BORCS5: variants seen among roughly 807,000 people sequenced by gnomAD.
The protein encoded by BORCS5 is BLOC-1 related complex subunit 5.
A neutral mutation model predicts 22.1 loss-of-function variants in BORCS5; 17 were observed. The ratio of observed to expected loss-of-function variants is 0.77; its 90% confidence interval spans 0.53 to 1.15. The LOEUF (loss-of-function observed/expected upper bound fraction) is 1.15, where lower values mean the gene tolerates loss of function less well. Ranked by LOEUF, BORCS5 falls within the 50% of genes most tolerant of loss-of-function variation. BORCS5 has a pLI of 0.00. For missense variants in BORCS5, 247 were observed against 253.2 expected (o/e 0.98, Z 0.17); for synonymous variants, 117 against 99.8 (o/e 1.17, Z -1.03).
At chr12:12,392,045 C>CAAAAAA (rs61408318) in intron 2 of BORCS5, among the ~76,000 whole-genome samples, 2 of 66,860 alleles carry the variant, frequency 3.0e-5, no homozygotes, top group Non-Finnish European at 5.6e-5. Flanking sequence ...GACTTCATTT[C>CAAAAAA]AAAAAAAAAA....
rs774431922 is a variant in BORCS5, at chr12:12,465,928, A to T, written c.*152A>T. ...GGAGTCCGGCTGGCATGAAAATCTG[A>T]CTTTGCCCAGCTCTTTTCCTTGATG... On this transcript the variant is annotated 3_prime_UTR_variant, in exon 4 of 4. Transcript: ENST00000314565. The T allele has an allele frequency of 3.7e-5, 23 of 625,788 alleles. No homozygotes were observed. Among genetic ancestry groups the T allele is most frequent in the Non-Finnish European group, 5.2e-5 (19 of 363,302 alleles). 38.8% of individuals were successfully genotyped at this position (625,788 alleles called of 1,614,324 possible). A position where few individuals can be genotyped will look rare whatever the true frequency, so the allele number is the denominator to read the frequency against.
chr12:12,456,172 G>A (rs1942995335), intron 3 of BORCS5, among the ~76,000 whole-genome samples: 1 of 152,192 alleles, frequency 6.6e-6, no homozygotes, highest in Non-Finnish European at 1.5e-5. Flanking sequence ...GGTAGATCAT[G>A]CCTGTAATCC....
chr12:12,394,035 A>G lies in BORCS5; in HGVS notation c.202+32686A>G, dbSNP rs112375077. On this transcript the variant is annotated intron_variant, in intron 2 of 3. Transcript: ENST00000314565. Reference sequence around the variant, plus strand: ...CAGCTTGGAAACCAAAATAAAATCAATAGCCCTCGGCCGGGTGCGGTGGCT... The same window carrying G: ...CAGCTTGGAAACCAAAATAAAATCAGTAGCCCTCGGCCGGGTGCGGTGGCT... Among the ~76,000 whole-genome samples, 537 of 152,086 alleles carry G rather than the reference A, an allele frequency of 3.5e-3. 5 individuals carry two copies. Among genetic ancestry groups the G allele is most frequent in the African/African-American group, 0.011 (473 of 41,426 alleles).
chr12:12,459,451 T>C (rs1012338073), intron 3 of BORCS5, among the ~76,000 whole-genome samples: 3 of 151,910 alleles, frequency 2.0e-5, no homozygotes, highest in Non-Finnish European at 4.4e-5. Context: ...GCTGGGACTA[T>C]AGGCATGCAC....
chr12:12,396,225 G>A (rs1941339536), intron 2 of BORCS5, among the ~76,000 whole-genome samples: 1 of 151,292 alleles, frequency 6.6e-6, no homozygotes, highest in Non-Finnish European at 1.5e-5. Flanking sequence ...GACCTCAAGT[G>A]ATCTGCCCGC....
At chr12:12,405,202 C>T (rs977366716) in intron 2 of BORCS5, among the ~76,000 whole-genome samples, 2 of 152,190 alleles carry the variant, frequency 1.3e-5, no homozygotes, top group African/African-American at 4.8e-5. Flanking sequence ...CATAAATGAG[C>T]TGTGTTGCTA....
At chr12:12,373,994 T>A (rs1279389766) in intron 2 of BORCS5, among the ~76,000 whole-genome samples, 1 of 143,964 alleles carries the variant, frequency 6.9e-6, no homozygotes, top group Non-Finnish European at 1.5e-5. Flanking sequence ...TTTTTTTTTT[T>A]TTTTTTTTTT....
intron 2 of BORCS5, among the ~76,000 whole-genome samples, chr12:12,371,641 C>G (rs1565835469): frequency 2.0e-5 from 3 of 152,176 alleles, no homozygotes; most frequent in Admixed American, 1.3e-4. Flanking sequence ...AATATGTTCT[C>G]TATGTTCTTT....
chr12:12,414,949 T>G (rs1592103467), intron 2 of BORCS5, among the ~76,000 whole-genome samples: 2 of 109,752 alleles, frequency 1.8e-5, no homozygotes, highest in Admixed American at 9.1e-5. Context: ...TCTCAGACGA[T>G]GGGCGGCCGG....
intron 3 of BORCS5, among the ~76,000 whole-genome samples, chr12:12,449,619 AT>A (rs1942866641): frequency 6.6e-6 from 1 of 152,236 alleles, no homozygotes; most frequent in African/African-American, 2.4e-5. Flanking sequence ...CCGTTCTGAT[AT>A]CGCTTAATTC....
In BORCS5 at chr12:12,383,758, C is replaced by T. The variant is rs368106290; in HGVS notation, c.202+22409C>T. The stretch of plus-strand genomic sequence containing the variant: ...TTGCTCATTTCAGGATTTTTTTTTC[C>T]TTTAGCTTTCCATAGTTTGTGATAA... On this transcript the variant is annotated intron_variant, in intron 2 of 3. Transcript: ENST00000314565. Among the ~76,000 whole-genome samples the T allele has an allele frequency of 2.0e-4, 30 of 150,122 alleles. 2 individuals are homozygous for T. The East Asian group carries it at 5.4e-3, about 27-fold the overall frequency.
At chr12:12,440,619 A>C (rs1942664140) in intron 3 of BORCS5, among the ~76,000 whole-genome samples, 1 of 151,554 alleles carries the variant, frequency 6.6e-6, no homozygotes, top group Non-Finnish European at 1.5e-5. Context: ...AAAAAAAAAA[A>C]ACCAGGATTT....
intron 2 of BORCS5, among the ~76,000 whole-genome samples, chr12:12,396,068 C>T (rs1185092255): frequency 6.6e-6 from 1 of 151,948 alleles, no homozygotes; most frequent in Non-Finnish European, 1.5e-5. Flanking sequence ...CATCTCGGCT[C>T]ACTCCGCCCC....
At chr12:12,431,170 A>G (rs1438843799) in intron 2 of BORCS5, among the ~76,000 whole-genome samples, 1 of 152,198 alleles carries the variant, frequency 6.6e-6, no homozygotes, top group East Asian at 1.9e-4. Context: ...GGTGTTAACA[A>G]CTTACACACT....
At chr12:12,414,273 T>C in intron 2 of BORCS5, among the ~76,000 whole-genome samples, 1 of 48,318 alleles carries the variant, frequency 2.1e-5, no homozygotes, top group Non-Finnish European at 3.9e-5. Context: ...CACTTCCCAG[T>C]AGGGGCGGCC....
intron 3 of BORCS5, among the ~76,000 whole-genome samples, chr12:12,448,539 T>C (rs1942835952): frequency 6.6e-6 from 1 of 150,442 alleles, no homozygotes; most frequent in Non-Finnish European, 1.5e-5. Flanking sequence ...TTTTTTTTTT[T>C]TTCTTTTTTT....
chr12:12,386,219 A>G (rs1863876468), intron 2 of BORCS5, among the ~76,000 whole-genome samples: 2 of 150,224 alleles, frequency 1.3e-5, no homozygotes, highest in African/African-American at 2.5e-5. Flanking sequence ...TAGGCTGGTC[A>G]TGGACTCCTT....
Position 12,465,983 on chromosome 12 carries a change from A to C in BORCS5, c.*207A>C. Reference sequence around the variant, plus strand: ...TTCCCGGTGTGGAAGGAACCTAACCAGTTCTCGGTGATAACTGAAGCTGGA... The same window carrying C: ...TTCCCGGTGTGGAAGGAACCTAACCCGTTCTCGGTGATAACTGAAGCTGGA... On this transcript the variant is annotated 3_prime_UTR_variant, in exon 4 of 4. Coordinates refer to ENST00000314565, the MANE Select transcript of BORCS5 (RefSeq NM_058169.6). 1.9e-6 allele frequency: 1 copy of C among 522,748 alleles called. No homozygotes were observed. The allele number at this position is 522,748 out of a possible 1,614,324, so 32.4% of individuals were successfully genotyped here.
intron 2 of BORCS5, among the ~76,000 whole-genome samples, chr12:12,424,313 A>G (rs1942224474): frequency 6.6e-6 from 1 of 152,096 alleles, no homozygotes; most frequent in African/African-American, 2.4e-5. Context: ...GCCTGCTCAA[A>G]TCTGCCTTTG....
Sources: gnomAD v4.1 joint callset for allele counts (sites outside exome capture counted in the v4.1 genomes callset) on GRCh38, gnomAD v4.1.1 for gene constraint, MANE v1.5 for transcripts, NCBI Gene and HGNC (gene_info 2026-07-23, HGNC 2026-07-21) for gene names.